XYLB: variants seen among roughly 807,000 people sequenced by gnomAD.
XYLB encodes xylulokinase.
In XYLB, 62 loss-of-function variants were observed where a neutral mutation model predicts 78.7. The ratio of observed to expected loss-of-function variants is 0.79; its 90% CI spans 0.64 to 0.97. The LOEUF (loss-of-function observed/expected upper bound fraction) is 0.97. XYLB is among the 50% of genes least tolerant of loss of function. The pLI, the probability that XYLB is intolerant of heterozygous loss-of-function variation, is 0.00. For synonymous variants in XYLB, 245 were observed against 247.4 expected (o/e 0.99, Z 0.09); for missense variants, 687 against 676.8 (o/e 1.02, Z -0.17).
At chr3:38,395,875 C>A (rs1009312689) in intron 16 of XYLB, among the ~76,000 whole-genome samples, 5 of 152,356 alleles carry the variant, frequency 3.3e-5, no homozygotes, top group Non-Finnish European at 7.3e-5. Context: ...GTGTTCTTGT[C>A]TTCCTCAAGG....
In XYLB at chr3:38,365,693, G is replaced by A. The variant is rs771290628; in HGVS notation, c.464G>A (p.Gly155Asp). Residue 155 changes from glycine to aspartate, a missense_variant, in exon 6 of 19, where the codon GGT becomes GAT. Transcript: ENST00000207870. ...QCRQLEAAVG[G>D]AQALSCLTGS... is the part of the protein sequence containing the mutation. ...CGCCAGCTGGAGGCTGCTGTGGGTG[G>A]TGCTCAGGCTCTCAGCTGCCTCACG... 1.9e-6 allele frequency: 3 copies of A among 1,613,858 alleles called. No homozygotes were observed. Among genetic ancestry groups the A allele is most frequent in the Admixed American group, 1.7e-5 (1 of 60,006 alleles).
chr3:38,354,462 CT>C (rs1287672124), intron 2 of XYLB, among the ~76,000 whole-genome samples: 4 of 151,412 alleles, frequency 2.6e-5, no homozygotes, highest in Admixed American at 2.6e-4. Flanking sequence ...TCAATATGTA[CT>C]TCAGAATCAG....
At chr3:38,352,648 A>G (rs1705428679) in intron 2 of XYLB, among the ~76,000 whole-genome samples, 1 of 152,072 alleles carries the variant, frequency 6.6e-6, no homozygotes, top group Non-Finnish European at 1.5e-5. Context: ...CTCTACCACA[A>G]AAGTGCAAAA....
chr3:38,401,354 A>C (rs1708117879), intron 18 of XYLB, among the ~76,000 whole-genome samples: 1 of 152,194 alleles, frequency 6.6e-6, no homozygotes, highest in Non-Finnish European at 1.5e-5. Context: ...ATAGCTGTGC[A>C]GTCACCCAGG....
chr3:38,346,830 C>T lies in XYLB; in HGVS notation c.-39C>T. ...GGCGACTATCACGCCGCGTGGCGGA[C>T]GGACGGACTGACGGACGCGCAGCCT... On this transcript the variant is annotated 5_prime_UTR_variant, in exon 1 of 19. The change creates a new upstream start codon in the 5' untranslated region. Transcript: ENST00000207870. 1 of 1,478,176 alleles carries T rather than the reference C, an allele frequency of 6.8e-7. No homozygotes were observed. Among genetic ancestry groups the T allele is most frequent in the Non-Finnish European group, 9.0e-7 (1 of 1,113,480 alleles). 91.6% of individuals were successfully genotyped at this position (1,478,176 alleles called of 1,614,324 possible). A position where few individuals can be genotyped will look rare whatever the true frequency, so the allele number is the denominator to read the frequency against.
chr3:38,422,062 T>C (rs1447715495), downstream of XYLB, among the ~76,000 whole-genome samples: 1 of 152,246 alleles, frequency 6.6e-6, no homozygotes, highest in African/African-American at 2.4e-5. Context: ...TTTAAAATAC[T>C]TAAAGAATTT....
chr3:38,416,091 G>T (rs866438163), downstream of XYLB, among the ~76,000 whole-genome samples: 1 of 152,238 alleles, frequency 6.6e-6, no homozygotes, highest in South Asian at 2.1e-4. Context: ...AACACCTGGG[G>T]ATTACAATTC....
chr3:38,443,447 C>T, the XYLB span, among the ~76,000 whole-genome samples: 1 of 152,158 alleles, frequency 6.6e-6, no homozygotes, highest in South Asian at 2.1e-4. Context: ...TTAAAGTGTC[C>T]TTGCAAACCA....
chr3:38,411,361 C>T (rs1575546051), intron 18 of XYLB, among the ~76,000 whole-genome samples: 1 of 151,918 alleles, frequency 6.6e-6, no homozygotes, highest in South Asian at 2.1e-4. Context: ...AGGGGAACAT[C>T]ACACTCTGGG....
intron 4 of XYLB, among the ~76,000 whole-genome samples, chr3:38,364,091 A>T (rs920430511): frequency 5.3e-5 from 8 of 152,012 alleles, no homozygotes; most frequent in African/African-American, 1.9e-4. Flanking sequence ...GATATCCCAC[A>T]GATGCCTCAG....
chr3:38,432,915 T>C, the XYLB span, among the ~76,000 whole-genome samples: 1 of 152,226 alleles, frequency 6.6e-6, no homozygotes, highest in Non-Finnish European at 1.5e-5. Flanking sequence ...CTCTGGGGTC[T>C]GGAGGATGGT....
chr3:38,394,718 A>C (rs1189653538), intron 15 of XYLB, among the ~76,000 whole-genome samples: 1 of 152,176 alleles, frequency 6.6e-6, no homozygotes. Flanking sequence ...TGGTTTCAGC[A>C]TGGTTGGGTG....
intron 7 of XYLB, among the ~76,000 whole-genome samples, chr3:38,367,433 C>T (rs1267728887): frequency 6.6e-6 from 1 of 152,162 alleles, no homozygotes; most frequent in Non-Finnish European, 1.5e-5. Flanking sequence ...GATAAGGAAA[C>T]GATCAGCTCA....
chr3:38,376,292 A>G, intron 13 of XYLB, 60 bp downstream of exon 13: 1 of 1,316,796 alleles, frequency 7.6e-7, no homozygotes, highest in Non-Finnish European at 1.1e-6. Context: ...CTGGAGGGGC[A>G]GAGCCTGGGG....
chr3:38,423,986 TG>T (rs1001647616), downstream of XYLB, among the ~76,000 whole-genome samples: 4 of 152,186 alleles, frequency 2.6e-5, no homozygotes, highest in African/African-American at 9.7e-5. Context: ...AAACATTAAT[TG>T]GATATGACCT....
rs1167902523 is a variant in XYLB, at chr3:38,376,985, C to T, written c.1188C>T (p.Asn396=). 1.2e-6 allele frequency: 2 copies of T among 1,613,742 alleles called. No individual in the cohort carries two copies. Among genetic ancestry groups the T allele is most frequent in the South Asian group, 1.1e-5 (1 of 91,052 alleles). The change falls in exon 14 of 19, where the codon AAC becomes AAT. Residue 396 remains asparagine, a synonymous_variant. Transcript: ENST00000207870. Reference sequence around the variant, plus strand: ...GACGTCATAGGTTTAACACAGAAAACCACAAGGTACATGTGCTGTTGGTGT... The same window carrying T: ...GACGTCATAGGTTTAACACAGAAAATCACAAGGTACATGTGCTGTTGGTGT... ...IIGRHRFNTE[N]HKVAAFPGDV...
chr3:38,387,139 C>T (rs761109549), intron 15 of XYLB, among the ~76,000 whole-genome samples: 11 of 152,078 alleles, frequency 7.2e-5, no homozygotes, highest in Non-Finnish European at 1.3e-4. Context: ...TATGTATCCC[C>T]TTTGTGATTC....
the XYLB span, among the ~76,000 whole-genome samples, chr3:38,437,203 T>C: frequency 6.6e-6 from 1 of 151,978 alleles, no homozygotes; most frequent in Non-Finnish European, 1.5e-5. Context: ...AAAAAGCATT[T>C]GATAAAATTC....
intron 6 of XYLB, 33 bp downstream of exon 6, chr3:38,365,769 G>A: frequency 6.3e-7 from 1 of 1,592,398 alleles, no homozygotes; most frequent in African/African-American, 1.3e-5. Context: ...GCAGGGGGTG[G>A]TCTGGTTGCA....
Sources: gnomAD v4.1 joint callset for allele counts (sites outside exome capture counted in the v4.1 genomes callset) on GRCh38, gnomAD v4.1.1 for gene constraint, MANE v1.5 for transcripts, NCBI Gene and HGNC (gene_info 2026-07-23, HGNC 2026-07-21) for gene names.